C12orf56: variants seen among roughly 807,000 people sequenced by gnomAD.
C12orf56 encodes the protein uncharacterized protein C12orf56.
In C12orf56, 71 loss-of-function variants were observed where a neutral mutation model predicts 69.9. That is an observed-to-expected ratio of 1.02 (90% CI 0.84 to 1.24). The LOEUF is 1.24. Ranked by LOEUF, C12orf56 falls within the 50% of genes most tolerant of loss-of-function variation. C12orf56 has a pLI of 0.00. For missense variants in C12orf56, 732 were observed against 738.5 expected, an observed-to-expected ratio of 0.99 and a Z score of 0.10; for synonymous variants, 276 against 274.1, an observed-to-expected ratio of 1.01 and a Z score of -0.07.
At chr12:64,337,919 CAGGG>C (rs1394405739) in intron 2 of C12orf56, among the ~76,000 whole-genome samples, 1 of 151,024 alleles carries the variant, frequency 6.6e-6, no homozygotes, top group African/African-American at 2.4e-5. Context: ...CTCTTTATAC[CAGGG>C]AGAGGAGAAC....
chr12:64,389,897 C>T (rs868252087), intron 1 of C12orf56, among the ~76,000 whole-genome samples: 1 of 152,136 alleles, frequency 6.6e-6, no homozygotes, highest in African/African-American at 2.4e-5. Context: ...TTTATTTGCA[C>T]GGGTGTTGGC....
At chr12:64,379,316 C>G (rs1449310893) in intron 1 of C12orf56, among the ~76,000 whole-genome samples, 1 of 149,408 alleles carries the variant, frequency 6.7e-6, no homozygotes, top group Non-Finnish European at 1.5e-5. Flanking sequence ...GACGGAGTCT[C>G]GCTCTGTCTC....
Position 64,390,499 on chromosome 12 carries a change from G to C in C12orf56, c.67C>G (p.Arg23Gly). 6.2e-7 allele frequency: 1 copy of C among 1,601,698 alleles called. No individual in the cohort carries two copies. Among genetic ancestry groups the C allele is most frequent in the Non-Finnish European group, 8.5e-7 (1 of 1,179,560 alleles). The change falls in exon 1 of 13, where the codon CGG (arginine) becomes GGG (glycine). Residue 23 changes from arginine (R) to glycine (G), a missense_variant. Transcript: ENST00000543942. Reference protein sequence around the residue: ...RNSRLDVFLRRHLPPEVYDAV... With the variant: ...RNSRLDVFLRGHLPPEVYDAV... ...TCGTAGACCTCGGGCGGCAGATGCC[G>C]CCGCAGGAACACATCCAGGCGGCTG... is the stretch of plus-strand genomic sequence containing the variant.
intron 1 of C12orf56, among the ~76,000 whole-genome samples, chr12:64,365,878 TTATA>T (rs1175018370): frequency 7.3e-6 from 1 of 137,008 alleles, no homozygotes; most frequent in African/African-American, 2.7e-5. Flanking sequence ...ATATTATACA[TTATA>T]TATAGTGTAT....
chr12:64,345,425 A>C (rs570425202), intron 2 of C12orf56, among the ~76,000 whole-genome samples: 16 of 152,324 alleles, frequency 1.1e-4, no homozygotes, highest in African/African-American at 2.9e-4. Flanking sequence ...GGCAAAAAAA[A>C]GTTCATCAGA....
At chr12:64,273,152 G>A (rs1344083479) in intron 11 of C12orf56, among the ~76,000 whole-genome samples, 1 of 152,008 alleles carries the variant, frequency 6.6e-6, no homozygotes, top group Non-Finnish European at 1.5e-5. Context: ...AAATTTAGCC[G>A]GGTATGGTGG....
intron 1 of C12orf56, among the ~76,000 whole-genome samples, chr12:64,365,939 GTATATAT>G (rs916623932): frequency 2.3e-5 from 3 of 129,240 alleles, no homozygotes; most frequent in Non-Finnish European, 4.6e-5. Flanking sequence ...TATGTATAGT[GTATATAT>G]TATATATTGT....
intron 1 of C12orf56, among the ~76,000 whole-genome samples, chr12:64,367,567 A>G (rs193083011): frequency 1.2e-4 from 18 of 150,314 alleles, no homozygotes; most frequent in Admixed American, 1.0e-3. Context: ...GTGCAGTGGC[A>G]TGATCTTGGC....
rs148619458 is a variant in C12orf56, at chr12:64,267,524, G to A, written c.1764-236C>T. 1.1e-3 allele frequency: 570 copies of A among 523,320 alleles called. 4 individuals are homozygous for A. The highest frequency in any genetic ancestry group is 7.8e-4 in the Non-Finnish European group (230 of 294,854). The allele number at this position is 523,320 out of a possible 1,614,324, so 32.4% of individuals were successfully genotyped here. On this transcript the variant is annotated intron_variant, in intron 12 of 12. Coordinates refer to ENST00000543942, the MANE Select transcript of C12orf56 (RefSeq NM_001170633.2). ...TTGTGACCTAGAAAATCTCTGACAT[G>A]TGGACTGTCCTCACCACAGTATGAG...
In C12orf56 at chr12:64,324,353, T is replaced by C. The variant is rs550781466; in HGVS notation, c.489-5373A>G. ...GTAGTTATAACTTACAAAAGTGCAATTGAAATCAACAAAGCAGTCTGATAA... is the reference window on the plus strand; with the variant it reads ...GTAGTTATAACTTACAAAAGTGCAACTGAAATCAACAAAGCAGTCTGATAA... On this transcript the variant is annotated intron_variant, in intron 3 of 12. Transcript: ENST00000543942. 5.9e-5 allele frequency among the ~76,000 whole-genome samples: 9 copies of C among 152,272 alleles called. No individual in the cohort carries two copies. In the East Asian group the frequency reaches 1.4e-3, roughly 23 times the overall value.
intron 1 of C12orf56, among the ~76,000 whole-genome samples, chr12:64,370,380 G>A (rs978791446): frequency 1.3e-5 from 2 of 151,676 alleles, no homozygotes; most frequent in African/African-American, 2.4e-5. Flanking sequence ...GCCGGTTGCG[G>A]TGACTCATGC....
At chr12:64,343,922 G>A (rs117292206) in intron 2 of C12orf56, among the ~76,000 whole-genome samples, 18,846 of 152,174 alleles carry the variant, frequency 0.12, 1,318 homozygotes, top group East Asian at 0.27. Flanking sequence ...GTATGTCTAT[G>A]CCAATTATGC....
At position 64,318,639 on chromosome 12, in the gene C12orf56, T is replaced by C. The variant is rs1407856654; in HGVS notation, c.830A>G (p.Tyr277Cys). The C allele has an allele frequency of 6.5e-7, 1 of 1,536,988 alleles. No homozygotes were observed. The highest frequency in any genetic ancestry group is 2.4e-5 in the East Asian group (1 of 40,914). ...TATTGATGAGGTTGTGGAAATAACA[T>C]ACAAATGAAGTTCTGACTCCTTTTT... ...LEKKESELHL[Y>C]VISTTSSIFL... The change falls in exon 4 of 13, where the codon TAT (tyrosine) becomes TGT (cysteine). Residue 277 changes from tyrosine (Y) to cysteine (C), a missense_variant. By Grantham distance (194) the Tyr-to-Cys change is radical (BLOSUM62 -2). Transcript: ENST00000543942.
At chr12:64,344,572 C>T (rs1439786286) in intron 2 of C12orf56, among the ~76,000 whole-genome samples, 1 of 152,128 alleles carries the variant, frequency 6.6e-6, no homozygotes, top group Non-Finnish European at 1.5e-5. Context: ...GCCACTTGGC[C>T]ACTGCCACCT....
chr12:64,274,827 T>C, intron 11 of C12orf56, 74 bp downstream of exon 11: 6 of 1,171,250 alleles, frequency 5.1e-6, no homozygotes, highest in Non-Finnish European at 7.3e-6. Flanking sequence ...AAATCTGTGT[T>C]TTATTAATTA....
chr12:64,268,617 G>A (rs1476409124), intron 12 of C12orf56, among the ~76,000 whole-genome samples: 1 of 152,110 alleles, frequency 6.6e-6, no homozygotes, highest in Non-Finnish European at 1.5e-5. Context: ...AAAATGGTGT[G>A]CAATTAGATA....
intron 1 of C12orf56, among the ~76,000 whole-genome samples, chr12:64,372,817 G>A (rs1384021120): frequency 6.6e-6 from 1 of 151,934 alleles, no homozygotes; most frequent in Admixed American, 6.6e-5. Flanking sequence ...GCCTGGCCAG[G>A]CTCTACTAAG....
intron 5 of C12orf56, among the ~76,000 whole-genome samples, chr12:64,306,804 G>T (rs1040208687): frequency 6.6e-6 from 1 of 152,102 alleles, no homozygotes; most frequent in African/African-American, 2.4e-5. Context: ...CAAAAGCACT[G>T]TGTATGATTT....
chr12:64,318,855 G>A lies in C12orf56; in HGVS notation c.614C>T (p.Ser205Phe). ...RPLPSPSRRS[S>F]QSAPTTGKAV... ...CTTGCCAGTTGTTGGTGCAGACTGA[G>A]AGCTCCTCCTGGAGGGGGAAGGTAG... Residue 205 changes from serine (S) to phenylalanine (F), a missense_variant, in exon 4 of 13, where the codon TCT (serine) becomes TTT (phenylalanine). Ser to Phe is a radical substitution (Grantham distance 155). Coordinates refer to ENST00000543942, the MANE Select transcript of C12orf56 (RefSeq NM_001170633.2). The A allele has an allele frequency of 6.5e-7, 1 of 1,537,234 alleles. No individual in the cohort carries two copies. Among genetic ancestry groups the A allele is most frequent in the Non-Finnish European group, 8.7e-7 (1 of 1,146,910 alleles).
Sources: allele counts gnomAD v4.1 joint callset (sites outside exome capture counted in the v4.1 genomes callset), GRCh38; gene constraint gnomAD v4.1.1; transcripts MANE v1.5; gene names NCBI Gene and HGNC (gene_info 2026-07-23, HGNC 2026-07-21).